The following KMT2E variants were observed in gnomAD, a reference collection of about 807,000 sequenced individuals.
KMT2E encodes the protein lysine methyltransferase 2E (inactive), also known as histone reader KMT2E.
KMT2E carries 30 observed loss-of-function variants against 184.6 expected under a neutral mutation model. The observed-to-expected ratio is 0.16, with a 90% confidence interval of 0.12 to 0.22. The LOEUF is 0.22. Among genes scored for constraint, KMT2E ranks in the 10% least tolerant of loss-of-function variants. The probability of loss-of-function intolerance (pLI) is 1.00; values close to 1 mark genes in which losing one functional copy is unlikely to be tolerated. For synonymous variants in KMT2E, 815 were observed against 776.5 expected (o/e 1.05, Z -0.82); for missense variants, 2,023 against 2,237.4 (o/e 0.90, Z 1.93).
chr7:105,021,802 A>G (rs1462363114), intron 1 of KMT2E, among the ~76,000 whole-genome samples: 1 of 152,218 alleles, frequency 6.6e-6, no homozygotes, highest in East Asian at 1.9e-4. Context: ...AATAATTGAT[A>G]TATCACACTG....
chr7:105,018,210 T>G (rs552983446), intron 1 of KMT2E, among the ~76,000 whole-genome samples: 41 of 152,358 alleles, frequency 2.7e-4, no homozygotes, highest in African/African-American at 9.1e-4. Flanking sequence ...TCTGCATTTC[T>G]GGAAGCTACT....
chr7:105,081,949 A>T (rs1325454657), intron 13 of KMT2E, 152 bp downstream of exon 13: 1 of 482,042 alleles, frequency 2.1e-6, no homozygotes, highest in African/African-American at 2.0e-5. Context: ...GTTTAGTATC[A>T]GCCTCTATTA....
rs552469077 is a variant in KMT2E at position 105,086,386 on chromosome 7, T to G, written c.1359-3623T>G. ...AATGTCTAAGAAGCTTGTACCAGTT[T>G]CCTAAGTAATTTATTGCCTTGCTGT... On this transcript the variant is annotated intron_variant, in intron 13 of 26. Transcript: ENST00000311117. 2.6e-5 allele frequency among the ~76,000 whole-genome samples: 4 copies of G among 152,296 alleles called. No individual in the cohort carries two copies. The East Asian group carries it at 5.8e-4, about 22-fold the overall frequency.
chr7:105,030,523 G>A (rs1795366085), intron 1 of KMT2E, among the ~76,000 whole-genome samples: 1 of 152,208 alleles, frequency 6.6e-6, no homozygotes, highest in Admixed American at 6.5e-5. Flanking sequence ...AACTTGACTG[G>A]AATTACTGTG....
Position 105,110,500 on chromosome 7 carries a change from T to C in KMT2E, c.3868T>C (p.Cys1290Arg), listed in dbSNP as rs577434965. ...AGGGGGAGAATCACCATGTGTCTCATGTTCACCGAGTCATGTTCAGTCTTC... is the reference window on the plus strand; with the variant it reads ...AGGGGGAGAATCACCATGTGTCTCACGTTCACCGAGTCATGTTCAGTCTTC... ...DSGGESPCVSCSPSHVQSSPS... is the reference protein window; with the variant it reads ...DSGGESPCVSRSPSHVQSSPS... The change falls in exon 25 of 27, where the codon TGT (cysteine) becomes CGT (arginine). Residue 1290 changes from cysteine (C) to arginine (R), a missense_variant. This residue lies in a region of KMT2E where 1,108 missense variants were observed against 1,050.9 expected (regional missense o/e 1.05). Coordinates refer to ENST00000311117, the MANE Select transcript of KMT2E (RefSeq NM_182931.3). 6.2e-7 allele frequency: 1 copy of C among 1,614,246 alleles called. No individual in the cohort carries two copies. Among genetic ancestry groups the C allele is most frequent in the African/African-American group, 1.3e-5 (1 of 75,070 alleles).
chr7:105,110,640 A>G, intron 25 of KMT2E, 38 bp downstream of exon 25: 1 of 1,612,880 alleles, frequency 6.2e-7, no homozygotes, highest in Non-Finnish European at 8.5e-7. Context: ...ATTCTTAACA[A>G]ATTTTAAAAT....
At chr7:105,023,916 A>G (rs762550952) in intron 1 of KMT2E, among the ~76,000 whole-genome samples, 2 of 152,222 alleles carry the variant, frequency 1.3e-5, no homozygotes, top group African/African-American at 2.4e-5. Flanking sequence ...AAAGCGGTAT[A>G]TGGTTTCTAG....
intron 1 of KMT2E, among the ~76,000 whole-genome samples, chr7:105,033,750 C>T (rs1795521237): frequency 6.6e-6 from 1 of 151,998 alleles, no homozygotes. Context: ...CCGCCTGCCT[C>T]GGCCTCCCAA....
chr7:105,025,434 A>G lies in KMT2E; in HGVS notation c.-189+10899A>G, dbSNP rs534576222. 2.2e-3 allele frequency among the ~76,000 whole-genome samples: 336 copies of G among 152,234 alleles called. 1 individual carries two copies. Among genetic ancestry groups the G allele is most frequent in the South Asian group, 8.5e-3 (41 of 4,830 alleles). ...AAGTAAATCTCTGACTTCTGTGTGT[A>G]AGGTCTATCATATGCTAAGGTGATC... On this transcript the variant is annotated intron_variant, in intron 1 of 26. Coordinates refer to ENST00000311117, the MANE Select transcript of KMT2E (RefSeq NM_182931.3).
At chr7:105,106,425 C>T in intron 19 of KMT2E, 97 bp from the exon 20 acceptor site, 3 of 1,158,710 alleles carry the variant, frequency 2.6e-6, no homozygotes, top group Admixed American at 2.1e-5. Context: ...GTCATAACTG[C>T]CATTGTTTAT....
intron 5 of KMT2E, 94 bp downstream of exon 5, chr7:105,063,674 T>A: frequency 1.3e-6 from 1 of 794,678 alleles, no homozygotes; most frequent in Non-Finnish European, 1.9e-6. Context: ...TCAAGGGAAT[T>A]AATGGATACA....
chr7:105,107,076 T>C (rs1798932584), intron 20 of KMT2E, 90 bp from the exon 21 acceptor site: 3 of 768,002 alleles, frequency 3.9e-6, no homozygotes, highest in East Asian at 2.8e-5. Context: ...AAAGTCTGTA[T>C]ATTTTTCATT....
intron 15 of KMT2E, among the ~76,000 whole-genome samples, chr7:105,096,104 A>T (rs1437899886): frequency 6.6e-6 from 1 of 151,950 alleles, no homozygotes; most frequent in Non-Finnish European, 1.5e-5. Flanking sequence ...AAAATACAAA[A>T]ATTAGCCAGG....
chr7:105,093,481 A>C (rs1423596152), intron 15 of KMT2E, among the ~76,000 whole-genome samples: 1 of 152,152 alleles, frequency 6.6e-6, no homozygotes, highest in East Asian at 1.9e-4. Context: ...CAGGAGTTCG[A>C]GACCAGCCTG....
At chr7:105,025,657 T>C (rs1260506838) in intron 1 of KMT2E, among the ~76,000 whole-genome samples, 1 of 152,192 alleles carries the variant, frequency 6.6e-6, no homozygotes, top group Non-Finnish European at 1.5e-5. Flanking sequence ...AGTTATAGGT[T>C]TCTTCCCAAA....
chr7:105,024,368 G>A (rs181247575), intron 1 of KMT2E, among the ~76,000 whole-genome samples: 37 of 152,236 alleles, frequency 2.4e-4, no homozygotes, highest in African/African-American at 8.2e-4. Context: ...ATGGCGGAAG[G>A]TACAAAAACA....
intron 26 of KMT2E, chr7:105,111,159 T>C: frequency 6.6e-6 from 2 of 301,226 alleles, no homozygotes; most frequent in South Asian, 1.7e-4. Context: ...ATTCATAGCC[T>C]TGTCATGAAA....
chr7:105,111,953 C>G lies in KMT2E; in HGVS notation c.4197C>G (p.Leu1399=). 6.2e-7 allele frequency: 1 copy of G among 1,614,126 alleles called. No individual in the cohort carries two copies. The highest frequency in any genetic ancestry group is 1.3e-5 in the African/African-American group (1 of 75,026). ...ATGGTGTTCACCTAAAAACAGAGCT[C>G]CAACAAAAACAGCTATCAAATAACA... ...AENGVHLKTE[L]QQKQLSNNNQ... Residue 1399 remains leucine, a synonymous_variant, in exon 27 of 27, where the codon CTC becomes CTG. Transcript: ENST00000311117.
chr7:105,101,780 T>A, intron 16 of KMT2E, 106 bp from the exon 17 acceptor site: 1 of 1,069,334 alleles, frequency 9.4e-7, no homozygotes, highest in Non-Finnish European at 1.3e-6. Context: ...TATATCAGAA[T>A]TCAAAAATTC....
Sources: allele counts gnomAD v4.1 joint callset (sites outside exome capture counted in the v4.1 genomes callset), GRCh38; gene constraint gnomAD v4.1.1; regional missense constraint gnomAD v4.1.1; transcripts MANE v1.5; gene names NCBI Gene and HGNC (gene_info 2026-07-23, HGNC 2026-07-21).